Variants in SIPA1L1 observed in about 807,000 individuals in gnomAD.
The protein encoded by SIPA1L1 is signal induced proliferation associated 1 like 1.
A neutral mutation model predicts 162.7 loss-of-function variants in SIPA1L1; 26 were observed. The observed-to-expected ratio is 0.16, with a 90% CI of 0.12 to 0.22. The LOEUF (loss-of-function observed/expected upper bound fraction) is 0.22, where lower values mean the gene tolerates loss of function less well. SIPA1L1 is among the 10% of genes least tolerant of loss of function. The pLI is 1.00. For missense variants in SIPA1L1, 1,874 were observed against 2,241.0 expected (o/e 0.84, Z 3.31); for synonymous variants, 829 against 837.4 (o/e 0.99, Z 0.17).
chr14:71,597,382 A>G (rs1309023672), intron 5 of SIPA1L1, among the ~76,000 whole-genome samples: 2 of 151,798 alleles, frequency 1.3e-5, no homozygotes, highest in Non-Finnish European at 2.9e-5. Context: ...TTCTTGAGTA[A>G]CCTGTATCTT....
intron 2 of SIPA1L1, among the ~76,000 whole-genome samples, chr14:71,465,825 C>T (rs1183689451): frequency 2.6e-5 from 4 of 152,122 alleles, no homozygotes; most frequent in African/African-American, 4.8e-5. Flanking sequence ...AGAGCCAGTC[C>T]GAGTCCCAAA....
intron 2 of SIPA1L1, among the ~76,000 whole-genome samples, chr14:71,491,090 T>C (rs2049208785): frequency 6.6e-6 from 1 of 152,212 alleles, no homozygotes; most frequent in South Asian, 2.1e-4. Context: ...AGGATGTCGA[T>C]ATTTAAAAAT....
chr14:71,461,715 C>G (rs1420819434), intron 2 of SIPA1L1, among the ~76,000 whole-genome samples: 1 of 152,244 alleles, frequency 6.6e-6, no homozygotes, highest in Non-Finnish European at 1.5e-5. Context: ...AGTGCACAAC[C>G]AGGTGCACTG....
chr14:71,451,933 A>G (rs1450169012), intron 2 of SIPA1L1, among the ~76,000 whole-genome samples: 1 of 152,200 alleles, frequency 6.6e-6, no homozygotes, highest in Non-Finnish European at 1.5e-5. Context: ...TATATACATC[A>G]AAAACAATTT....
At chr14:71,544,279 A>T (rs543015615) in intron 4 of SIPA1L1, among the ~76,000 whole-genome samples, 1 of 105,140 alleles carries the variant, frequency 9.5e-6, no homozygotes, top group Non-Finnish European at 2.6e-5. Context: ...GTATATACAT[A>T]TGTGTATATA....
chr14:71,350,638 G>A (rs1041154740), intron 2 of SIPA1L1, among the ~76,000 whole-genome samples: 3 of 152,156 alleles, frequency 2.0e-5, no homozygotes, highest in African/African-American at 4.8e-5. Context: ...ACTGATCTGG[G>A]TCCGGGGACA....
chr14:71,386,150 C>T lies in SIPA1L1; in HGVS notation c.-465+64969C>T, dbSNP rs528763936. On this transcript the variant is annotated intron_variant, in intron 2 of 23. Coordinates refer to ENST00000381232, the MANE Select transcript of SIPA1L1 (RefSeq NM_001386936.1). ...GTCAGGATTCTCTAGGGGGACAGAA[C>T]TAATAGGATAGATGTATATATAAAG... Among the ~76,000 whole-genome samples, 11 of 152,188 alleles carry T rather than the reference C, an allele frequency of 7.2e-5. 1 individual carries two copies. The East Asian group carries it at 2.1e-3, about 29-fold the overall frequency.
chr14:71,564,694 T>C (rs1297852023), intron 4 of SIPA1L1, among the ~76,000 whole-genome samples: 1 of 152,066 alleles, frequency 6.6e-6, no homozygotes, highest in Non-Finnish European at 1.5e-5. Context: ...TTTTACCATG[T>C]TAGCCAGGCT....
At chr14:71,514,351 TA>T (rs1235443031) in intron 3 of SIPA1L1, among the ~76,000 whole-genome samples, 4 of 152,192 alleles carry the variant, frequency 2.6e-5, no homozygotes, top group Non-Finnish European at 5.9e-5. Flanking sequence ...GAGTTGTACA[TA>T]ACGCTTGCCT....
Position 71,588,577 on chromosome 14 carries a change from T to A in SIPA1L1, c.705T>A (p.Asp235Glu), listed in dbSNP as rs1460662236. 1 of 1,613,982 alleles carries A rather than the reference T, an allele frequency of 6.2e-7. No individual in the cohort carries two copies. The highest frequency in any genetic ancestry group is 8.5e-7 in the Non-Finnish European group (1 of 1,180,002). ...LLKGYKDDKS[D>E]RGPTPTKLSD... ...AGGGCTACAAAGATGACAAATCTGA[T>A]CGAGGTCCAACTCCAACCAAGCTCA... The change falls in exon 5 of 24, where the codon GAT (aspartate) becomes GAA (glutamate). Residue 235 changes from aspartate to glutamate, a missense_variant. Asp to Glu is a conservative substitution (Grantham distance 45). Coordinates refer to ENST00000381232, the MANE Select transcript of SIPA1L1 (RefSeq NM_001386936.1). This position sits in a 1 kb window ranked among gnomAD's most constrained non-coding sequence, Gnocchi z 4.3.
At chr14:71,694,806 A>G (rs942433316) in intron 13 of SIPA1L1, among the ~76,000 whole-genome samples, 8 of 152,238 alleles carry the variant, frequency 5.3e-5, no homozygotes, top group African/African-American at 1.7e-4. Context: ...AAGCAGAAAG[A>G]TCTGGATTTA....
intron 2 of SIPA1L1, among the ~76,000 whole-genome samples, chr14:71,400,499 T>G (rs1314647393): frequency 6.6e-6 from 1 of 152,090 alleles, no homozygotes; most frequent in Non-Finnish European, 1.5e-5. Context: ...GGTATTCACG[T>G]CAGCAGTGGC....
intron 12 of SIPA1L1, among the ~76,000 whole-genome samples, chr14:71,678,549 T>C (rs1050984709): frequency 3.9e-5 from 6 of 152,150 alleles, no homozygotes; most frequent in Admixed American, 3.9e-4. Context: ...TTGCCAGTAT[T>C]TTATTGAGGA....
At chr14:71,456,821 T>G (rs969331530) in intron 2 of SIPA1L1, among the ~76,000 whole-genome samples, 3 of 152,250 alleles carry the variant, frequency 2.0e-5, no homozygotes, top group Non-Finnish European at 4.4e-5. Context: ...TTGTGTTTCT[T>G]GATCTGGAGA....
chr14:71,613,862 G>T (rs1036463914), intron 5 of SIPA1L1, among the ~76,000 whole-genome samples: 2 of 124,012 alleles, frequency 1.6e-5, no homozygotes, highest in Non-Finnish European at 3.7e-5. Flanking sequence ...GGGACTAGGG[G>T]CCTGAAGGAA....
chr14:71,678,445 A>T (rs2045442944), intron 12 of SIPA1L1, among the ~76,000 whole-genome samples: 1 of 152,154 alleles, frequency 6.6e-6, no homozygotes, highest in Non-Finnish European at 1.5e-5. Context: ...GATTACATTT[A>T]TTGATTTGCA....
intron 2 of SIPA1L1, among the ~76,000 whole-genome samples, chr14:71,475,690 A>G (rs2047792115): frequency 1.3e-5 from 2 of 152,242 alleles, no homozygotes; most frequent in African/African-American, 4.8e-5. Flanking sequence ...AATGTAACAC[A>G]TTTGTGGTTA....
At chr14:71,731,974 C>T (rs558837977) in intron 20 of SIPA1L1, among the ~76,000 whole-genome samples, 3 of 152,330 alleles carry the variant, frequency 2.0e-5, no homozygotes, top group South Asian at 2.1e-4. Context: ...TTTTATCCCC[C>T]ACATGGAAAT....
At chr14:71,676,494 A>G (rs2045203642) in intron 12 of SIPA1L1, among the ~76,000 whole-genome samples, 1 of 145,262 alleles carries the variant, frequency 6.9e-6, no homozygotes, top group African/African-American at 2.6e-5. Flanking sequence ...AAGTATATAT[A>G]CTTTAAGTTC....
Sources: allele counts gnomAD v4.1 joint callset (sites outside exome capture counted in the v4.1 genomes callset), GRCh38; gene constraint gnomAD v4.1.1; non-coding constraint Gnocchi (gnomAD v3.1); transcripts MANE v1.5; gene names NCBI Gene and HGNC (gene_info 2026-07-23, HGNC 2026-07-21).